Variants in TTBK1 observed in about 807,000 individuals in gnomAD.
TTBK1 encodes tau tubulin kinase 1.
Under a neutral mutation model 108.5 loss-of-function variants are expected in TTBK1, and 34 were observed. That is an observed-to-expected ratio of 0.31 (90% CI 0.24 to 0.42). TTBK1 has a LOEUF of 0.42. Ranked by LOEUF, TTBK1 falls within the 10% of genes least tolerant of loss-of-function variation. The pLI, the probability that TTBK1 is intolerant of heterozygous loss-of-function variation, is 1.00. For synonymous variants in TTBK1, 809 were observed against 795.1 expected (o/e 1.02, Z -0.29); for missense variants, 1,539 against 1,826.0 (o/e 0.84, Z 2.86).
rs192386554 is a variant in TTBK1, at chr6:43,254,932, C to A, written c.577-117C>A. 1.8e-3 allele frequency: 1,914 copies of A among 1,053,290 alleles called. 5 individuals are homozygous for A. Among genetic ancestry groups the A allele is most frequent in the Non-Finnish European group, 2.6e-3 (1,720 of 674,042 alleles). 65.2% of individuals were successfully genotyped at this position (1,053,290 alleles called of 1,614,324 possible). Reference sequence around the variant, plus strand: ...AGGACTGGAAGGTCAGAGAGCAGGCCCACCTCCCCAGCCAGGGGAGGTGGT... The same window carrying A: ...AGGACTGGAAGGTCAGAGAGCAGGCACACCTCCCCAGCCAGGGGAGGTGGT... On this transcript the variant is annotated intron_variant, in intron 6 of 14. Coordinates refer to ENST00000259750, the MANE Select transcript of TTBK1 (RefSeq NM_032538.3).
At position 43,283,095 on chromosome 6, in the gene TTBK1, T is replaced by C. The variant is rs1158677304; in HGVS notation, c.2355T>C (p.Arg785=). 2.5e-6 allele frequency: 4 copies of C among 1,582,724 alleles called. No homozygotes were observed. In the South Asian group the frequency reaches 4.6e-5, roughly 18 times the overall value. Reference sequence around the variant, plus strand: ...CCTTGGGGGAGGTGCTGGGGCCTCGTAGTGGCTCCAGCAGTGAGGGGAGTG... The same window carrying C: ...CCTTGGGGGAGGTGCTGGGGCCTCGCAGTGGCTCCAGCAGTGAGGGGAGTG... ...AVALGEVLGP[R]SGSSSEGSER... Residue 785 remains arginine, a synonymous_variant, in exon 14 of 15, where the codon CGT becomes CGC. Transcript: ENST00000259750. This position sits in a 1 kb window ranked among gnomAD's most constrained non-coding sequence, Gnocchi z 8.1.
Position 43,283,224 on chromosome 6 carries a change from G to A in TTBK1, c.2484G>A (p.Glu828=). Reference sequence around the variant, plus strand: ...CCTCCATGGCCGATGGGGACCTGGAGCCTGAGGAGGGCTCCAAAACGCTGG... The same window carrying A: ...CCTCCATGGCCGATGGGGACCTGGAACCTGAGGAGGGCTCCAAAACGCTGG... ...GRASMADGDL[E]PEEGSKTLVL... The change falls in exon 14 of 15, where the codon GAG becomes GAA. Residue 828 remains glutamate (E), a synonymous_variant. Coordinates refer to ENST00000259750, the MANE Select transcript of TTBK1 (RefSeq NM_032538.3). The surrounding 1 kb of genome is among the most constrained non-coding windows in gnomAD (Gnocchi z 8.1). 6.4e-7 allele frequency: 1 copy of A among 1,551,722 alleles called. No homozygotes were observed. The highest frequency in any genetic ancestry group is 8.7e-7 in the Non-Finnish European group (1 of 1,147,962).
chr6:43,258,168 T>C (rs1388804549), intron 10 of TTBK1, among the ~76,000 whole-genome samples: 1 of 151,828 alleles, frequency 6.6e-6, no homozygotes, highest in Non-Finnish European at 1.5e-5. Flanking sequence ...TCATTTGGAG[T>C]TTTTAACCTT....
At chr6:43,252,224 G>GTA (rs1233000695) in intron 2 of TTBK1, among the ~76,000 whole-genome samples, 2 of 140,606 alleles carry the variant, frequency 1.4e-5, no homozygotes, top group Non-Finnish European at 3.1e-5. Flanking sequence ...GTGTGTGTGT[G>GTA]TATGGTTGCT....
rs1195293699 is a variant in TTBK1 at position 43,269,411 on chromosome 6, G to A, written c.1986+6061G>A. 7.2e-5 allele frequency among the ~76,000 whole-genome samples: 11 copies of A among 152,228 alleles called. No homozygotes were observed. The highest frequency in any genetic ancestry group is 7.2e-4 in the Admixed American group (11 of 15,290). On this transcript the variant is annotated intron_variant, in intron 13 of 14. Transcript: ENST00000259750. The surrounding 1 kb of genome is among the most constrained non-coding windows in gnomAD (Gnocchi z 4.8). ...GGTCTCCTTGCAGAGACCATAGTGT[G>A]AGAAGTTCCAGAGAGAAGGAGGAGG...
In TTBK1 at chr6:43,258,928, C is replaced by T. The variant is rs549349293; in HGVS notation, c.1017-110C>T. 1.3e-3 allele frequency: 969 copies of T among 735,688 alleles called. 1 individual carries two copies. The highest frequency in any genetic ancestry group is 1.8e-3 in the Admixed American group (61 of 33,308). The allele number at this position is 735,688 out of a possible 1,614,324, so 45.6% of individuals were successfully genotyped here. A position where few individuals can be genotyped will look rare whatever the true frequency, so the allele number is the denominator to read the frequency against. On this transcript the variant is annotated intron_variant, in intron 10 of 14. Transcript: ENST00000259750. Reference sequence around the variant, plus strand: ...ACTCTCACCCCTGACGGGACTGCCTCTGTGCCCGCTCCTGGGGGTGGTCTC... The same window carrying T: ...ACTCTCACCCCTGACGGGACTGCCTTTGTGCCCGCTCCTGGGGGTGGTCTC...
chr6:43,271,877 AC>A (rs1777843912), intron 13 of TTBK1: 3 of 329,246 alleles, frequency 9.1e-6, no homozygotes, highest in South Asian at 1.4e-4. Context: ...CCCCACCCCC[AC>A]CCCCATCTCA....
rs1020154002 is a variant in TTBK1, at chr6:43,286,026, A to C, written c.*650A>C. 6.6e-6 allele frequency: 1 copy of C among 152,622 alleles called. No individual in the cohort carries two copies. The highest frequency in any genetic ancestry group is 2.4e-5 in the African/African-American group (1 of 41,408). 9.5% of individuals were successfully genotyped at this position (152,622 alleles called of 1,614,324 possible). ...GAGGGGGCAGGTCTGACCTGCCCCA[A>C]AGTTGGCTCCATCCTGGACAACTCG... On this transcript the variant is annotated 3_prime_UTR_variant, in exon 15 of 15. Transcript: ENST00000259750. The surrounding 1 kb of genome is among the most constrained non-coding windows in gnomAD (Gnocchi z 4.6).
Position 43,259,572 on chromosome 6 carries a change from C to T in TTBK1, c.1290C>T (p.Val430=). The change falls in exon 12 of 15, where the codon GTC becomes GTT. Residue 430 remains valine (V), a synonymous_variant. Transcript: ENST00000259750. This position sits in a 1 kb window ranked among gnomAD's most constrained non-coding sequence, Gnocchi z 6.7. ...AGGAACAGAGCCGAGGCATGGGGGT[C>T]CCCAGCTCCCCAGTGCGTGCCCCCC... ...VEEEQSRGMG[V]PSSPVRAPPD... The T allele has an allele frequency of 1.2e-6, 2 of 1,605,420 alleles. No individual in the cohort carries two copies. The highest frequency in any genetic ancestry group is 1.7e-6 in the Non-Finnish European group (2 of 1,176,162).
intron 2 of TTBK1, among the ~76,000 whole-genome samples, chr6:43,249,234 C>T (rs1777176201): frequency 6.6e-6 from 1 of 152,096 alleles, no homozygotes; most frequent in African/African-American, 2.4e-5. Context: ...AAACTCACCC[C>T]AGGTCACCCA....
chr6:43,254,700 C>A, intron 6 of TTBK1, 49 bp downstream of exon 6: 1 of 1,482,236 alleles, frequency 6.7e-7, no homozygotes, highest in Non-Finnish European at 9.1e-7. Flanking sequence ...CCCCCTACTC[C>A]CAGATCTGGG....
At chr6:43,275,146 G>GCC (rs1289321431) in intron 13 of TTBK1, among the ~76,000 whole-genome samples, 1 of 152,124 alleles carries the variant, frequency 6.6e-6, no homozygotes, top group Non-Finnish European at 1.5e-5. Flanking sequence ...AGCGGCCCCG[G>GCC]CCGGGAGGGC....
chr6:43,277,634 C>T (rs911365772), intron 13 of TTBK1, among the ~76,000 whole-genome samples: 1 of 152,226 alleles, frequency 6.6e-6, no homozygotes, highest in Non-Finnish European at 1.5e-5. Context: ...TGGCCACGTT[C>T]CCGGGTCATC....
intron 13 of TTBK1, chr6:43,270,401 A>G: frequency 1.0e-6 from 1 of 991,564 alleles, no homozygotes; most frequent in Non-Finnish European, 1.2e-6. Flanking sequence ...GGAGGCCAAG[A>G]CCCTCCTTGC....
At position 43,243,528 on chromosome 6, in the gene TTBK1, G is replaced by A. The variant is rs1338147950; in HGVS notation, c.-235G>A. ...GCCGCTGCCGCCGCCGTCGCCCAAG[G>A]AGGATCGGGGCCGGGCCGGGCCGGG... is the stretch of plus-strand genomic sequence containing the variant. On this transcript the variant is annotated 5_prime_UTR_variant, in exon 1 of 15. Transcript: ENST00000259750. The surrounding 1 kb of genome is among the most constrained non-coding windows in gnomAD (Gnocchi z 5.5). 1.3e-5 allele frequency among the ~76,000 whole-genome samples: 2 copies of A among 152,036 alleles called. No individual in the cohort carries two copies. The highest frequency in any genetic ancestry group is 1.9e-4 in the East Asian group (1 of 5,180).
intron 13 of TTBK1, among the ~76,000 whole-genome samples, chr6:43,275,338 C>T (rs1777945074): frequency 6.6e-6 from 1 of 151,796 alleles, no homozygotes; most frequent in Admixed American, 6.6e-5. Context: ...CCGAGGCTTC[C>T]CCTGGGTTCG....
At chr6:43,255,215 G>C in intron 7 of TTBK1, 101 bp downstream of exon 7, 1 of 1,038,120 alleles carries the variant, frequency 9.6e-7, no homozygotes, top group Non-Finnish European at 1.5e-6. Flanking sequence ...AGTGGGGCAG[G>C]GGCTGCAATC....
In TTBK1 at chr6:43,262,914, C is replaced by T; in HGVS notation, c.1550C>T (p.Ser517Phe). 6.2e-7 allele frequency: 1 copy of T among 1,614,016 alleles called. No individual in the cohort carries two copies. Among genetic ancestry groups the T allele is most frequent in the Non-Finnish European group, 8.5e-7 (1 of 1,179,966 alleles). ...QASGRMDVSA[S>F]VEQEALSNAF... ...AGTGGCCGCATGGACGTGTCAGCCT[C>T]TGTGGAGCAGGAGGCCCTGAGCAAC... Residue 517 changes from serine (S) to phenylalanine (F), a missense_variant, in exon 13 of 15, where the codon TCT becomes TTT. Ser to Phe is a radical substitution (Grantham distance 155). Around this residue, in one of 5 missense-constraint regions of TTBK1, gnomAD observed 277 missense variants for 332.4 expected, o/e 0.83. Transcript: ENST00000259750.
chr6:43,247,676 C>A (rs1777130606), intron 2 of TTBK1, among the ~76,000 whole-genome samples: 2 of 152,002 alleles, frequency 1.3e-5, no homozygotes, highest in Admixed American at 6.5e-5. Flanking sequence ...GGCGCGTGTG[C>A]GCACCCGCGT....
Sources: gnomAD v4.1 joint callset for allele counts (sites outside exome capture counted in the v4.1 genomes callset) on GRCh38, gnomAD v4.1.1 for gene constraint, gnomAD v4.1.1 regional missense constraint, Gnocchi (gnomAD v3.1) non-coding constraint, MANE v1.5 for transcripts, NCBI Gene and HGNC (gene_info 2026-07-23, HGNC 2026-07-21) for gene names.